The following CDS2 variants were observed in gnomAD, a reference collection of about 807,000 sequenced individuals.
The protein encoded by CDS2 is CDP-diacylglycerol synthase 2.
A neutral mutation model predicts 59.0 loss-of-function variants in CDS2; 47 were observed. The ratio of observed to expected loss-of-function variants is 0.80; its 90% confidence interval spans 0.63 to 1.02. CDS2 has a LOEUF of 1.02. CDS2 is among the 50% of genes least tolerant of loss of function. The probability of loss-of-function intolerance (pLI) is 0.00; values close to 1 mark genes in which losing one functional copy is unlikely to be tolerated. For synonymous variants in CDS2, 207 were observed against 206.4 expected, an observed-to-expected ratio of 1.00 and a Z score of -0.02; for missense variants, 356 against 558.9, an observed-to-expected ratio of 0.64 and a Z score of 3.66.
rs754070730 is a variant in CDS2, at chr20:5,184,989, G to T, written c.759+44G>T. ...TGTGAAATACCACTGTGAGGGGAGG[G>T]TGGTGCTCTCAATGTGAGTAGATCA... On this transcript the variant is annotated intron_variant, in intron 8 of 12. Coordinates refer to ENST00000460006, the MANE Select transcript of CDS2 (RefSeq NM_003818.4). This position sits in a 1 kb window ranked among gnomAD's most constrained non-coding sequence, Gnocchi z 4.3. 9.8e-5 allele frequency: 136 copies of T among 1,392,330 alleles called. No individual in the cohort carries two copies. The highest frequency in any genetic ancestry group is 1.1e-4 in the Non-Finnish European group (112 of 978,110). 86.2% of individuals were successfully genotyped at this position (1,392,330 alleles called of 1,614,324 possible).
intron 1 of CDS2, among the ~76,000 whole-genome samples, chr20:5,135,223 C>G (rs151121088): frequency 6.6e-5 from 10 of 152,204 alleles, no homozygotes; most frequent in African/African-American, 2.2e-4. Flanking sequence ...CCACCGTGCC[C>G]GGCCATTGTA....
chr20:5,180,506 C>G (rs2091026175), intron 5 of CDS2, among the ~76,000 whole-genome samples: 1 of 152,054 alleles, frequency 6.6e-6, no homozygotes, highest in South Asian at 2.1e-4. Context: ...CATTTGTAAA[C>G]TGCCATGTCA....
chr20:5,141,824 G>T (rs769058360), intron 1 of CDS2, among the ~76,000 whole-genome samples: 4 of 152,144 alleles, frequency 2.6e-5, no homozygotes, highest in Non-Finnish European at 5.9e-5. Context: ...CTGCAGAATT[G>T]ATTGCTTGTT....
intron 1 of CDS2, among the ~76,000 whole-genome samples, chr20:5,163,683 CAA>C (rs1417483114): frequency 2.0e-5 from 3 of 152,134 alleles, no homozygotes; most frequent in African/African-American, 7.2e-5. Context: ...AATGTTTCTT[CAA>C]AGACTTTCTC....
intron 1 of CDS2, among the ~76,000 whole-genome samples, chr20:5,140,724 A>G (rs916427882): frequency 3.9e-5 from 6 of 152,244 alleles, no homozygotes; most frequent in African/African-American, 7.2e-5. Context: ...CCAATCCCCA[A>G]TGAATTGATA....
chr20:5,186,159 G>T (rs144161304), intron 9 of CDS2, among the ~76,000 whole-genome samples: 7 of 152,332 alleles, frequency 4.6e-5, no homozygotes, highest in African/African-American at 1.7e-4. Context: ...TGTGTGCCTT[G>T]CCCAGAGGTG....
chr20:5,158,940 G>A (rs1047201851), intron 1 of CDS2, among the ~76,000 whole-genome samples: 6 of 152,164 alleles, frequency 3.9e-5, no homozygotes, highest in Admixed American at 1.3e-4. Flanking sequence ...ACTCCTTCAC[G>A]CTGTTATCTC....
At chr20:5,156,381 C>T (rs1325999045) in intron 1 of CDS2, among the ~76,000 whole-genome samples, 1 of 152,014 alleles carries the variant, frequency 6.6e-6, no homozygotes, top group Non-Finnish European at 1.5e-5. Flanking sequence ...GTTTTTGAAC[C>T]CACTGAGTTG....
At chr20:5,162,442 A>G (rs899232646) in intron 1 of CDS2, among the ~76,000 whole-genome samples, 3 of 152,188 alleles carry the variant, frequency 2.0e-5, no homozygotes, top group South Asian at 4.1e-4. Flanking sequence ...TGCAGGGTAT[A>G]TAGACTCGCA....
intron 1 of CDS2, among the ~76,000 whole-genome samples, chr20:5,171,425 C>G (rs560317674): frequency 1.3e-5 from 2 of 152,344 alleles, no homozygotes; most frequent in South Asian, 4.1e-4. Flanking sequence ...TCTGTGGGAG[C>G]CTCAGTGGGG....
intron 1 of CDS2, among the ~76,000 whole-genome samples, chr20:5,158,939 C>T (rs1384133135): frequency 2.6e-5 from 4 of 152,172 alleles, no homozygotes; most frequent in Non-Finnish European, 5.9e-5. Context: ...GACTCCTTCA[C>T]GCTGTTATCT....
chr20:5,163,622 C>T (rs1225094495), intron 1 of CDS2, among the ~76,000 whole-genome samples: 1 of 152,118 alleles, frequency 6.6e-6, no homozygotes, highest in East Asian at 1.9e-4. Flanking sequence ...GTTTAAATCA[C>T]TTTTTGTTTA....
At chr20:5,165,310 C>G (rs188159820) in intron 1 of CDS2, among the ~76,000 whole-genome samples, 1 of 152,294 alleles carries the variant, frequency 6.6e-6, no homozygotes, top group East Asian at 1.9e-4. Flanking sequence ...AATGCCTCCT[C>G]TAGTGCTACT....
Position 5,163,783 on chromosome 20 carries a change from CTTTCTTTCTT to C in CDS2, c.58-9736_58-9727del, listed in dbSNP as rs1423313259. ...TTTAGCATTGTGGCTTTCATAATTT[CTTTCTTTCTT>C]TTTTTTTTTTTTTTTGAAGCAGAGT... On this transcript the variant is annotated intron_variant, in intron 1 of 12. Coordinates refer to ENST00000460006, the MANE Select transcript of CDS2 (RefSeq NM_003818.4). Among the ~76,000 whole-genome samples, 139 of 142,596 alleles carry C rather than the reference CTTTCTTTCTT, an allele frequency of 9.7e-4. 1 individual carries two copies. The highest frequency in any genetic ancestry group is 3.5e-3 in the African/African-American group (132 of 38,260). 93.5% of individuals were successfully genotyped at this position (142,596 alleles called of 152,430 possible). A position where few individuals can be genotyped will look rare whatever the true frequency, so the allele number is the denominator to read the frequency against.
intron 10 of CDS2, among the ~76,000 whole-genome samples, chr20:5,188,479 A>G (rs1224232324): frequency 1.3e-5 from 2 of 152,244 alleles, no homozygotes; most frequent in African/African-American, 2.4e-5. Context: ...TGAATGCAGA[A>G]TATTTTAATG....
intron 1 of CDS2, among the ~76,000 whole-genome samples, chr20:5,157,916 C>G (rs7268859): frequency 0.038 from 5,778 of 152,254 alleles, 166 homozygotes; most frequent in East Asian, 0.08. Flanking sequence ...TATTTCACTT[C>G]TTTCTGAAGG....
chr20:5,127,418 C>T (rs1212079405), intron 1 of CDS2, among the ~76,000 whole-genome samples: 5 of 152,094 alleles, frequency 3.3e-5, no homozygotes, highest in African/African-American at 1.2e-4. Context: ...CGCACGGCCT[C>T]CTGCCTCGCT....
intron 1 of CDS2, among the ~76,000 whole-genome samples, chr20:5,140,048 C>T (rs552099480): frequency 6.6e-5 from 10 of 152,334 alleles, no homozygotes; most frequent in Admixed American, 4.6e-4. Context: ...GCGATCTGCC[C>T]ACCTTGGGTT....
intron 1 of CDS2, among the ~76,000 whole-genome samples, chr20:5,162,625 G>A (rs73586439): frequency 1.1e-4 from 16 of 152,266 alleles, no homozygotes; most frequent in Admixed American, 3.9e-4. Context: ...AGTTGGGGTT[G>A]GAGATACAAA....
Sources: allele counts gnomAD v4.1 joint callset (sites outside exome capture counted in the v4.1 genomes callset), GRCh38; gene constraint gnomAD v4.1.1; non-coding constraint Gnocchi (gnomAD v3.1); transcripts MANE v1.5; gene names NCBI Gene and HGNC (gene_info 2026-07-23, HGNC 2026-07-21).